Variants in CACNA2D3 observed in about 807,000 individuals in gnomAD.
CACNA2D3 encodes voltage-dependent calcium channel subunit alpha-2/delta-3.
A neutral mutation model predicts 160.6 loss-of-function variants in CACNA2D3; 60 were observed. That is an observed-to-expected ratio of 0.37 (90% CI 0.30 to 0.46). CACNA2D3 has a LOEUF of 0.46. Among genes scored for constraint, CACNA2D3 ranks in the 20% least tolerant of loss-of-function variants. CACNA2D3 has a pLI of 1.00. For synonymous variants in CACNA2D3, 558 were observed against 492.9 expected (o/e 1.13, Z -1.75); for missense variants, 1,205 against 1,365.0 (o/e 0.88, Z 1.85).
At chr3:54,283,879 A>G (rs934747845) in intron 2 of CACNA2D3, among the ~76,000 whole-genome samples, 1 of 152,142 alleles carries the variant, frequency 6.6e-6, no homozygotes, top group Non-Finnish European at 1.5e-5. Context: ...CCTGGTCAAC[A>G]TGGTGAAACC....
intron 13 of CACNA2D3, among the ~76,000 whole-genome samples, chr3:54,810,755 A>C (rs1201948078): frequency 6.6e-6 from 1 of 152,164 alleles, no homozygotes; most frequent in Admixed American, 6.6e-5. Context: ...GGGTCCACTC[A>C]AGTTTGGAAC....
intron 27 of CACNA2D3, among the ~76,000 whole-genome samples, chr3:54,907,855 T>C (rs958906466): frequency 6.6e-6 from 1 of 152,170 alleles, no homozygotes; most frequent in African/African-American, 2.4e-5. Flanking sequence ...GCTTCCTTCA[T>C]TTAACATAAT....
At chr3:54,657,893 G>T (rs1367686598) in intron 11 of CACNA2D3, among the ~76,000 whole-genome samples, 1 of 152,120 alleles carries the variant, frequency 6.6e-6, no homozygotes, top group African/African-American at 2.4e-5. Flanking sequence ...GCCTGGCATG[G>T]TGGCACATGC....
intron 4 of CACNA2D3, among the ~76,000 whole-genome samples, chr3:54,489,528 G>C (rs538920787): frequency 3.3e-5 from 5 of 152,304 alleles, no homozygotes; most frequent in Admixed American, 2.6e-4. Flanking sequence ...GAGTGCTTTT[G>C]ACTTTCTCCA....
At chr3:54,186,859 C>T (rs1700887512) in intron 2 of CACNA2D3, among the ~76,000 whole-genome samples, 1 of 152,212 alleles carries the variant, frequency 6.6e-6, no homozygotes, top group African/African-American at 2.4e-5. Context: ...GAAGCCAGGA[C>T]AGCGTTGCTC....
intron 27 of CACNA2D3, among the ~76,000 whole-genome samples, chr3:54,927,673 G>A (rs1284702508): frequency 1.3e-5 from 2 of 152,072 alleles, no homozygotes; most frequent in Non-Finnish European, 2.9e-5. Flanking sequence ...GAAATGGCCC[G>A]TGACATGCCA....
chr3:54,549,370 C>T (rs550030347), intron 5 of CACNA2D3, among the ~76,000 whole-genome samples: 1 of 152,328 alleles, frequency 6.6e-6, no homozygotes, highest in East Asian at 1.9e-4. Context: ...GGCGTGAACC[C>T]AGGAGGCGGA....
intron 2 of CACNA2D3, among the ~76,000 whole-genome samples, chr3:54,313,702 T>A (rs1372504288): frequency 6.6e-6 from 1 of 152,040 alleles, no homozygotes. Flanking sequence ...CCCTCCTTGC[T>A]GCTCTCTCTT....
chr3:54,833,302 C>T (rs1035254138), intron 14 of CACNA2D3, among the ~76,000 whole-genome samples: 1 of 152,206 alleles, frequency 6.6e-6, no homozygotes, highest in Non-Finnish European at 1.5e-5. Context: ...AGTGTAATTG[C>T]ATAGCAGTTC....
At chr3:54,906,804 A>G (rs1370175343) in intron 27 of CACNA2D3, among the ~76,000 whole-genome samples, 1 of 152,240 alleles carries the variant, frequency 6.6e-6, no homozygotes, top group Non-Finnish European at 1.5e-5. Context: ...GGTCTAAGCC[A>G]GTAGGACTGA....
At chr3:54,701,699 C>A (rs1207019575) in intron 11 of CACNA2D3, among the ~76,000 whole-genome samples, 1 of 152,004 alleles carries the variant, frequency 6.6e-6, no homozygotes, top group Non-Finnish European at 1.5e-5. Flanking sequence ...CAGTGCCATC[C>A]CTATCAAACT....
At chr3:54,658,074 A>C (rs1699906143) in intron 11 of CACNA2D3, among the ~76,000 whole-genome samples, 1 of 152,224 alleles carries the variant, frequency 6.6e-6, no homozygotes, top group African/African-American at 2.4e-5. Flanking sequence ...TTCTTTATCC[A>C]TTCAGTTGCC....
At position 54,764,279 on chromosome 3, in the gene CACNA2D3, C is replaced by T. The variant is rs764988126; in HGVS notation, c.1308C>T (p.His436=). The T allele has an allele frequency of 6.2e-6, 10 of 1,613,732 alleles. No homozygotes were observed. Among genetic ancestry groups the T allele is most frequent in the African/African-American group, 2.7e-5 (2 of 74,880 alleles). The change falls in exon 13 of 38, where the codon CAC becomes CAT. Residue 436 remains histidine (H), a synonymous_variant. Transcript: ENST00000474759. ...AGGAGAATGTCATGGAATACCTTCACGTGCTTAGCCGGCCCAAAGTCATCG... is the reference window on the plus strand; with the variant it reads ...AGGAGAATGTCATGGAATACCTTCATGTGCTTAGCCGGCCCAAAGTCATCG... ...DVQENVMEYL[H]VLSRPKVIDQ... is the part of the protein sequence containing the mutation.
At chr3:54,256,025 G>A (rs1216071324) in intron 2 of CACNA2D3, among the ~76,000 whole-genome samples, 1 of 152,114 alleles carries the variant, frequency 6.6e-6, no homozygotes, top group East Asian at 1.9e-4. Flanking sequence ...GAAATAGGAA[G>A]TCATTGTTAA....
chr3:54,797,411 G>T (rs1323542966), intron 13 of CACNA2D3, among the ~76,000 whole-genome samples: 1 of 152,152 alleles, frequency 6.6e-6, no homozygotes, highest in Non-Finnish European at 1.5e-5. Flanking sequence ...GTAGAAGCCC[G>T]TGTCACTGTG....
chr3:54,787,623 T>C (rs72874259), intron 13 of CACNA2D3, among the ~76,000 whole-genome samples: 3,729 of 152,270 alleles, frequency 0.024, 153 homozygotes, highest in African/African-American at 0.083. Context: ...TATACTGTTT[T>C]AACAAAGGGT....
At chr3:54,369,299 A>G (rs1490609925) in intron 3 of CACNA2D3, among the ~76,000 whole-genome samples, 1 of 151,956 alleles carries the variant, frequency 6.6e-6, no homozygotes, top group Non-Finnish European at 1.5e-5. Context: ...TATAGAGTAG[A>G]ACTAAGTTCA....
chr3:54,295,179 G>T (rs528877800), intron 2 of CACNA2D3, among the ~76,000 whole-genome samples: 1 of 152,264 alleles, frequency 6.6e-6, no homozygotes, highest in Non-Finnish European at 1.5e-5. Context: ...AGAGTTGGGG[G>T]TGCCAAAGGT....
At chr3:54,798,996 A>G (rs1256743061) in intron 13 of CACNA2D3, among the ~76,000 whole-genome samples, 1 of 152,216 alleles carries the variant, frequency 6.6e-6, no homozygotes, top group Non-Finnish European at 1.5e-5. Context: ...TATTTTTTTA[A>G]TCAAAACATG....
Sources: allele counts gnomAD v4.1 joint callset (sites outside exome capture counted in the v4.1 genomes callset), GRCh38; gene constraint gnomAD v4.1.1; transcripts MANE v1.5; gene names NCBI Gene and HGNC (gene_info 2026-07-23, HGNC 2026-07-21).